The following SLIT1 variants were observed in gnomAD, a reference collection of about 807,000 sequenced individuals.
SLIT1 encodes slit guidance ligand 1, also known as slit homolog 1 protein.
In SLIT1, 66 loss-of-function variants were observed where a neutral mutation model predicts 186.1. That is an observed-to-expected ratio of 0.35 (90% CI 0.29 to 0.44). The LOEUF (loss-of-function observed/expected upper bound fraction) is 0.44, where lower values mean the gene tolerates loss of function less well. Among genes scored for constraint, SLIT1 ranks in the 20% least tolerant of loss-of-function variants. SLIT1 has a pLI of 1.00. For missense variants in SLIT1, 1,638 were observed against 2,037.4 expected (o/e 0.80, Z 3.77); for synonymous variants, 761 against 833.8 (o/e 0.91, Z 1.50).
At chr10:97,059,676 A>G (rs973058869) in intron 10 of SLIT1, 145 bp from the exon 11 acceptor site, 2 of 693,206 alleles carry the variant, frequency 2.9e-6, no homozygotes, top group African/African-American at 3.5e-5. Context: ...TCTCTCCTCC[A>G]TTTGAAAAGC....
intron 4 of SLIT1, among the ~76,000 whole-genome samples, chr10:97,120,279 A>G (rs1224555292): frequency 1.3e-5 from 2 of 152,016 alleles, no homozygotes; most frequent in African/African-American, 4.8e-5. Flanking sequence ...CAGCTGCCCA[A>G]ATGAGACCCA....
rs376541421 is a variant in SLIT1, at chr10:97,001,310, C to T, written c.4407G>A (p.Gln1469=). 8 of 1,613,060 alleles carry T rather than the reference C, an allele frequency of 5.0e-6. No homozygotes were observed. In the African/African-American group the frequency reaches 8.0e-5, roughly 16 times the overall value. Residue 1469 remains glutamine (Q), a synonymous_variant, in exon 37 of 37, where the codon CAG becomes CAA. Transcript: ENST00000266058. ...GGCAGATGGCATAGCCCCTCTGGAC[C>T]TGGTGAAAGTCCCGGACAGGGTCCC... ...CRGDPVRDFH[Q]VQRGYAICQT... is the part of the protein sequence containing the mutation.
chr10:97,059,363 C>T, intron 11 of SLIT1, 97 bp downstream of exon 11: 1 of 990,298 alleles, frequency 1.0e-6, no homozygotes, highest in South Asian at 1.3e-5. Context: ...GGGGCATAGC[C>T]CTGCTCCTCC....
At chr10:97,093,871 A>G (rs1203034191) in intron 4 of SLIT1, among the ~76,000 whole-genome samples, 2 of 152,232 alleles carry the variant, frequency 1.3e-5, no homozygotes, top group Non-Finnish European at 2.9e-5. Context: ...TGACCACAGC[A>G]GAGAAGCAAA....
At chr10:97,019,919 A>G (rs1370982537) in intron 26 of SLIT1, among the ~76,000 whole-genome samples, 3 of 152,100 alleles carry the variant, frequency 2.0e-5, no homozygotes, top group African/African-American at 7.2e-5. Flanking sequence ...ACTAGCACAC[A>G]TGACGGACTT....
In SLIT1 at chr10:97,018,575, A is replaced by G; in HGVS notation, c.2969+11T>C. On this transcript the variant is annotated intron_variant, in intron 28 of 36. Coordinates refer to ENST00000266058, the MANE Select transcript of SLIT1 (RefSeq NM_003061.3). ...GCACTCACCAGGCTCCTGCCCCTCC[A>G]GGTAACTCACGTGAACGGGGCATCC... is the stretch of plus-strand genomic sequence containing the variant. 1 of 1,540,894 alleles carries G rather than the reference A, an allele frequency of 6.5e-7. No homozygotes were observed. The highest frequency in any genetic ancestry group is 8.8e-7 in the Non-Finnish European group (1 of 1,131,862).
In SLIT1 at chr10:97,166,559, G is replaced by GGAA. The variant is rs1564692706; in HGVS notation, c.198-1670_198-1669insTTC. Among the ~76,000 whole-genome samples the GGAA allele has an allele frequency of 8.7e-4, 49 of 56,038 alleles. 3 individuals are homozygous for GGAA. The highest frequency in any genetic ancestry group is 3.0e-3 in the African/African-American group (47 of 15,670). The allele number at this position is 56,038 out of a possible 152,430, so 36.8% of individuals were successfully genotyped here. ...GGAAGGAAGGAAGGAAGGAAGGAAA[G>GGAA]AGAGAGAGAGAGAAAGAAAGAAAGA... On this transcript the variant is annotated intron_variant, in intron 1 of 36. Coordinates refer to ENST00000266058, the MANE Select transcript of SLIT1 (RefSeq NM_003061.3).
intron 25 of SLIT1, among the ~76,000 whole-genome samples, chr10:97,028,197 C>G (rs1220892560): frequency 6.6e-6 from 1 of 152,164 alleles, no homozygotes; most frequent in Non-Finnish European, 1.5e-5. Flanking sequence ...GAATTCAAGT[C>G]AGTAGGAACA....
At chr10:97,042,687 G>A (rs1190913864) in intron 20 of SLIT1, among the ~76,000 whole-genome samples, 2 of 152,098 alleles carry the variant, frequency 1.3e-5, no homozygotes, top group Non-Finnish European at 2.9e-5. Context: ...CATTTTTTAA[G>A]GATAGGAACT....
At chr10:97,020,426 C>A (rs992096465) in intron 26 of SLIT1, among the ~76,000 whole-genome samples, 2 of 152,232 alleles carry the variant, frequency 1.3e-5, no homozygotes, top group South Asian at 4.1e-4. Flanking sequence ...CTCACCAGCA[C>A]CAATCCCACC....
At position 97,151,003 on chromosome 10, in the gene SLIT1, C is replaced by G. The variant is rs547415270; in HGVS notation, c.413+6815G>C. 1.3e-3 allele frequency among the ~76,000 whole-genome samples: 193 copies of G among 152,178 alleles called. 1 individual carries two copies. Among genetic ancestry groups the G allele is most frequent in the Admixed American group, 2.7e-3 (42 of 15,292 alleles). On this transcript the variant is annotated intron_variant, in intron 4 of 36. Coordinates refer to ENST00000266058, the MANE Select transcript of SLIT1 (RefSeq NM_003061.3). ...CCCCACCAGGGTATACCTGCCCCCC[C>G]GCCGGAAGGAGATATAGGTCCAGCC... is the stretch of plus-strand genomic sequence containing the variant.
At chr10:97,085,586 C>T (rs141217555) in intron 4 of SLIT1, among the ~76,000 whole-genome samples, 274 of 152,170 alleles carry the variant, frequency 1.8e-3, no homozygotes, top group African/African-American at 5.1e-3. Context: ...TGGGATTTCA[C>T]CATGTTGGTC....
Position 97,030,841 on chromosome 10 carries a change from G to A in SLIT1, c.2511-13C>T. On this transcript the variant is annotated splice_polypyrimidine_tract_variant and intron_variant, in intron 24 of 36. Coordinates refer to ENST00000266058, the MANE Select transcript of SLIT1 (RefSeq NM_003061.3). ...GCCGTGGAGAGACCTGAGAAGGGAA[G>A]AGGCTGCTGGTGCCTTATCCAGGGA... 6.2e-7 allele frequency: 1 copy of A among 1,612,528 alleles called. No homozygotes were observed. The highest frequency in any genetic ancestry group is 8.5e-7 in the Non-Finnish European group (1 of 1,178,802).
At chr10:97,132,649 G>A (rs1849664954) in intron 4 of SLIT1, among the ~76,000 whole-genome samples, 1 of 152,194 alleles carries the variant, frequency 6.6e-6, no homozygotes, top group African/African-American at 2.4e-5. Context: ...AGCATTTCCA[G>A]GGGTCAGCCA....
intron 4 of SLIT1, among the ~76,000 whole-genome samples, chr10:97,128,571 G>T (rs1221710586): frequency 6.6e-6 from 1 of 152,170 alleles, no homozygotes; most frequent in Non-Finnish European, 1.5e-5. Flanking sequence ...CTGCCCTGAT[G>T]CCCACAACCT....
intron 1 of SLIT1, among the ~76,000 whole-genome samples, chr10:97,170,454 C>T (rs1850172587): frequency 6.6e-6 from 1 of 152,246 alleles, no homozygotes; most frequent in African/African-American, 2.4e-5. Context: ...AGGACCATGG[C>T]TCTGCCAGGA....
At chr10:97,025,275 C>A (rs1020825449) in intron 25 of SLIT1, among the ~76,000 whole-genome samples, 2 of 152,206 alleles carry the variant, frequency 1.3e-5, no homozygotes, top group African/African-American at 4.8e-5. Context: ...CATGCCACAC[C>A]AGCCGTCTCA....
intron 1 of SLIT1, among the ~76,000 whole-genome samples, chr10:97,171,406 C>T (rs1850187212): frequency 6.6e-6 from 1 of 152,180 alleles, no homozygotes; most frequent in Non-Finnish European, 1.5e-5. Flanking sequence ...CACCTTGGCC[C>T]CTCTCCAATC....
At chr10:97,116,200 G>A (rs115868386) in intron 4 of SLIT1, among the ~76,000 whole-genome samples, 6 of 152,214 alleles carry the variant, frequency 3.9e-5, no homozygotes, top group Non-Finnish European at 7.3e-5. Flanking sequence ...TCTTCATTAT[G>A]ATGAGGAAGG....
Sources: gnomAD v4.1 joint callset for allele counts (sites outside exome capture counted in the v4.1 genomes callset) on GRCh38, gnomAD v4.1.1 for gene constraint, MANE v1.5 for transcripts, NCBI Gene and HGNC (gene_info 2026-07-23, HGNC 2026-07-21) for gene names.